The following BCAR3 variants were observed in gnomAD, a reference collection of about 807,000 sequenced individuals.
BCAR3 encodes breast cancer anti-estrogen resistance protein 3.
In BCAR3, 37 loss-of-function variants were observed where a neutral mutation model predicts 80.1. That is an observed-to-expected ratio of 0.46 (90% confidence interval 0.36 to 0.61). The LOEUF (loss-of-function observed/expected upper bound fraction) is 0.61, where lower values mean the gene tolerates loss of function less well. Ranked by LOEUF, BCAR3 falls within the 20% of genes least tolerant of loss-of-function variation. The probability of loss-of-function intolerance (pLI) is 0.00; values close to 1 mark genes in which losing one functional copy is unlikely to be tolerated. For synonymous variants in BCAR3, 389 were observed against 418.9 expected (o/e 0.93, Z 0.87); for missense variants, 978 against 1,068.2 (o/e 0.92, Z 1.18).
intron 2 of BCAR3, among the ~76,000 whole-genome samples, chr1:93,653,059 C>A (rs1187736292): frequency 6.6e-6 from 1 of 152,150 alleles, no homozygotes; most frequent in Non-Finnish European, 1.5e-5. Context: ...TTAAGAGGTC[C>A]TACTCTTCAG....
chr1:93,575,487 G>A (rs1050038102), intron 8 of BCAR3, among the ~76,000 whole-genome samples: 7 of 152,108 alleles, frequency 4.6e-5, no homozygotes, highest in Admixed American at 1.3e-4. Flanking sequence ...GGGATGCCTC[G>A]GAGGCCCCGG....
intron 3 of BCAR3, among the ~76,000 whole-genome samples, chr1:93,695,490 C>CCATTCCCATCCCACTCTAT (rs1553166276): frequency 6.6e-6 from 1 of 152,172 alleles, no homozygotes; most frequent in East Asian, 1.9e-4. Flanking sequence ...GCCATCCATC[C>CCATTCCCATCCCACTCTAT]CATTCCCATC....
At chr1:93,672,664 A>T (rs923708755) in intron 2 of BCAR3, among the ~76,000 whole-genome samples, 2 of 152,156 alleles carry the variant, frequency 1.3e-5, no homozygotes, top group Admixed American at 1.3e-4. Flanking sequence ...CACCCATTCC[A>T]GCAGTGGCTG....
chr1:93,619,574 T>C (rs1283374796), intron 3 of BCAR3, among the ~76,000 whole-genome samples: 1 of 152,224 alleles, frequency 6.6e-6, no homozygotes, highest in African/African-American at 2.4e-5. Flanking sequence ...TCCCTTTCCA[T>C]CCACTTTTGG....
intron 2 of BCAR3, among the ~76,000 whole-genome samples, chr1:93,709,332 T>C (rs80175963): frequency 2.0e-3 from 302 of 152,346 alleles, no homozygotes; most frequent in African/African-American, 7.0e-3. Context: ...TTCTTCTTCC[T>C]GTCCCTCCAA....
chr1:93,614,282 CAGA>C, intron 3 of BCAR3: 1 of 466,238 alleles, frequency 2.1e-6, no homozygotes, highest in Non-Finnish European at 2.8e-6. Flanking sequence ...AGAGACCAGG[CAGA>C]AATCATTAGC....
chr1:93,773,453 AG>A (rs1438629925), intron 2 of BCAR3, among the ~76,000 whole-genome samples: 1 of 152,180 alleles, frequency 6.6e-6, no homozygotes, highest in African/African-American at 2.4e-5. Flanking sequence ...TGGGAAGGGG[AG>A]GGGGGCAGAC....
chr1:93,830,357 G>A (rs965871824), intron 2 of BCAR3, among the ~76,000 whole-genome samples: 18 of 152,130 alleles, frequency 1.2e-4, no homozygotes, highest in African/African-American at 4.3e-4. Context: ...CTGAGCCCAA[G>A]CCTGCATGTA....
At position 93,582,825 on chromosome 1, in the gene BCAR3, C is replaced by G. The variant is rs756648236; in HGVS notation, c.1162G>C (p.Ala388Pro). The change falls in exon 7 of 12, where the codon GCT becomes CCT. Residue 388 changes from alanine (A) to proline (P), a missense_variant. Ala to Pro is a conservative substitution (Grantham distance 27). Transcript: ENST00000260502. The part of the protein sequence containing the change: ...VVRRVSSDAR[A>P]GEALRGSDSQ... Reference sequence around the variant, plus strand: ...TCTGATCCCCTCAGCGCCTCCCCAGCCCTGGCGTCTGAGGAGACCCTCCGA... The same window carrying G: ...TCTGATCCCCTCAGCGCCTCCCCAGGCCTGGCGTCTGAGGAGACCCTCCGA... 6.2e-7 allele frequency: 1 copy of G among 1,613,944 alleles called. No homozygotes were observed. Among genetic ancestry groups the G allele is most frequent in the Non-Finnish European group, 8.5e-7 (1 of 1,180,034 alleles).
chr1:93,758,849 G>C (rs1198141201), intron 2 of BCAR3, among the ~76,000 whole-genome samples: 1 of 152,202 alleles, frequency 6.6e-6, no homozygotes, highest in Non-Finnish European at 1.5e-5. Flanking sequence ...ACTGAGGAGA[G>C]GCTGTTAGAG....
chr1:93,751,322 C>T (rs1486967057), intron 2 of BCAR3, among the ~76,000 whole-genome samples: 1 of 152,128 alleles, frequency 6.6e-6, no homozygotes, highest in Non-Finnish European at 1.5e-5. Context: ...TCTGGACTTC[C>T]ACTCTGACGG....
At chr1:93,631,962 C>T (rs953956673) in intron 3 of BCAR3, among the ~76,000 whole-genome samples, 1 of 152,142 alleles carries the variant, frequency 6.6e-6, no homozygotes, top group African/African-American at 2.4e-5. Flanking sequence ...GAGGAGTTAT[C>T]CACGCAAGCC....
intron 3 of BCAR3, among the ~76,000 whole-genome samples, chr1:93,630,053 G>A (rs1675566419): frequency 6.6e-6 from 1 of 152,134 alleles, no homozygotes; most frequent in Non-Finnish European, 1.5e-5. Flanking sequence ...AAATTTAAGT[G>A]CCCAGTGTGT....
chr1:93,638,732 A>C (rs926941273), intron 3 of BCAR3, among the ~76,000 whole-genome samples: 1 of 152,188 alleles, frequency 6.6e-6, no homozygotes, highest in Non-Finnish European at 1.5e-5. Flanking sequence ...TCCAACCTGG[A>C]AGAAATCTTT....
At chr1:93,656,765 A>G (rs1263713971) in intron 2 of BCAR3, among the ~76,000 whole-genome samples, 1 of 152,012 alleles carries the variant, frequency 6.6e-6, no homozygotes, top group Non-Finnish European at 1.5e-5. Context: ...CACCACACCC[A>G]GCTAATTTTT....
intron 2 of BCAR3, among the ~76,000 whole-genome samples, chr1:93,809,281 G>T (rs1048378604): frequency 1.3e-5 from 2 of 151,422 alleles, no homozygotes; most frequent in South Asian, 4.2e-4. Flanking sequence ...AAAGTCAATA[G>T]AAAAGAATAA....
At chr1:93,578,944 G>T (rs886652538) in intron 7 of BCAR3, among the ~76,000 whole-genome samples, 1 of 152,228 alleles carries the variant, frequency 6.6e-6, no homozygotes, top group African/African-American at 2.4e-5. Context: ...AGGCACAGAA[G>T]GGGAGGCTGT....
chr1:93,651,869 G>T (rs79726819), intron 2 of BCAR3, among the ~76,000 whole-genome samples: 4,242 of 152,210 alleles, frequency 0.028, 92 homozygotes, highest in East Asian at 0.08. Context: ...TCCCAAGCCC[G>T]TGTCAGCACT....
At chr1:93,594,849 T>G (rs933910463) in intron 3 of BCAR3, 1 of 152,290 alleles carries the variant, frequency 6.6e-6, no homozygotes, top group African/African-American at 2.4e-5. Context: ...TGCATTTTCC[T>G]TCCTCCCTGA....
Sources: allele counts gnomAD v4.1 joint callset (sites outside exome capture counted in the v4.1 genomes callset), GRCh38; gene constraint gnomAD v4.1.1; transcripts MANE v1.5; gene names NCBI Gene and HGNC (gene_info 2026-07-23, HGNC 2026-07-21).